The following AKAP7 variants were observed in gnomAD, a reference collection of about 807,000 sequenced individuals.
The protein encoded by AKAP7 is A-kinase anchoring protein 7.
A neutral mutation model predicts 39.5 loss-of-function variants in AKAP7; 39 were observed. The ratio of observed to expected loss-of-function variants is 0.99; its 90% CI spans 0.76 to 1.29. The LOEUF (loss-of-function observed/expected upper bound fraction) is 1.29, where lower values mean the gene tolerates loss of function less well. Among genes scored for constraint, AKAP7 ranks in the 50% most tolerant of loss-of-function variants. AKAP7 has a pLI of 0.00. For missense variants in AKAP7, 414 were observed against 407.7 expected (o/e 1.02, Z -0.13); for synonymous variants, 140 against 139.1 (o/e 1.01, Z -0.05).
intron 6 of AKAP7, among the ~76,000 whole-genome samples, chr6:131,201,202 C>G (rs1412732639): frequency 6.6e-6 from 1 of 152,128 alleles, no homozygotes; most frequent in Non-Finnish European, 1.5e-5. Flanking sequence ...ACATTCTTCC[C>G]TCCCACTGGC....
At chr6:131,238,070 G>A (rs1235975556) in intron 7 of AKAP7, among the ~76,000 whole-genome samples, 1 of 151,986 alleles carries the variant, frequency 6.6e-6, no homozygotes, top group Non-Finnish European at 1.5e-5. Flanking sequence ...TCTACACACT[G>A]CTTTGAATGT....
intron 7 of AKAP7, among the ~76,000 whole-genome samples, chr6:131,244,011 T>C (rs75087853): frequency 0.12 from 17,718 of 151,758 alleles, 1,182 homozygotes; most frequent in Admixed American, 0.19. Context: ...TTTTTTTTTT[T>C]TCCAAATAAG....
At chr6:131,256,708 CATTATT>C (rs3836928) in intron 7 of AKAP7, among the ~76,000 whole-genome samples, 58 of 148,478 alleles carry the variant, frequency 3.9e-4, no homozygotes, top group African/African-American at 1.0e-3. Context: ...CTTCCTGGGA[CATTATT>C]ATTATTATTA....
chr6:131,181,351 T>C (rs1805218541), intron 5 of AKAP7, among the ~76,000 whole-genome samples: 1 of 152,200 alleles, frequency 6.6e-6, no homozygotes, highest in Admixed American at 6.5e-5. Flanking sequence ...TAGATATTCA[T>C]AGTCATCAAA....
Position 131,196,684 on chromosome 6 carries a change from G to A in AKAP7, c.590-2777G>A, listed in dbSNP as rs1806964183. Among the ~76,000 whole-genome samples, 3 of 151,914 alleles carry A rather than the reference G, an allele frequency of 2.0e-5. No individual in the cohort carries two copies. In the South Asian group the frequency reaches 6.2e-4, roughly 32 times the overall value. On this transcript the variant is annotated intron_variant, in intron 5 of 7. Transcript: ENST00000431975. ...TTCCAGTTTTCTTGTCTTTAGAATT[G>A]GCTTAATAGTATTAGCCCTACCTGT...
intron 5 of AKAP7, among the ~76,000 whole-genome samples, chr6:131,180,540 C>T (rs1364601142): frequency 6.6e-6 from 1 of 152,094 alleles, no homozygotes; most frequent in Non-Finnish European, 1.5e-5. Context: ...TTCTCTGTAC[C>T]TTTCCTACCT....
At chr6:131,191,546 T>C (rs749495203) in intron 5 of AKAP7, among the ~76,000 whole-genome samples, 2 of 152,226 alleles carry the variant, frequency 1.3e-5, no homozygotes, top group Non-Finnish European at 2.9e-5. Flanking sequence ...ACTTCCTTGC[T>C]GCTAGGGAAG....
chr6:131,198,959 C>CT (rs950839255), intron 5 of AKAP7, among the ~76,000 whole-genome samples: 5 of 152,166 alleles, frequency 3.3e-5, no homozygotes, highest in Non-Finnish European at 4.4e-5. Flanking sequence ...GGGCTGGACT[C>CT]TATCTGTTTC....
At chr6:131,201,053 A>G (rs777142497) in intron 6 of AKAP7, 1 of 152,226 alleles carries the variant, frequency 6.6e-6, no homozygotes, top group Non-Finnish European at 1.5e-5. Context: ...ATTGGCAGTT[A>G]ATTTCACAGA....
chr6:131,154,704 CTT>C (rs1445269044), intron 2 of AKAP7, among the ~76,000 whole-genome samples: 1 of 151,928 alleles, frequency 6.6e-6, no homozygotes, highest in Non-Finnish European at 1.5e-5. Flanking sequence ...ACTGGTAATT[CTT>C]AATGTCATCA....
intron 5 of AKAP7, among the ~76,000 whole-genome samples, chr6:131,180,108 CT>C (rs1805010652): frequency 6.6e-6 from 1 of 152,216 alleles, no homozygotes; most frequent in African/African-American, 2.4e-5. Flanking sequence ...CCTTCTACCC[CT>C]CTCTCAGCAG....
Position 131,203,989 on chromosome 6 carries a change from G to A in AKAP7, c.702+4416G>A, listed in dbSNP as rs551702490. On this transcript the variant is annotated intron_variant, in intron 6 of 7. Coordinates refer to ENST00000431975, the MANE Select transcript of AKAP7 (RefSeq NM_016377.4). ...CTTCAGAAATACCTCAGATTGCCTT[G>A]TCAAGCAATAGTGACAATTTATACT... 7.2e-5 allele frequency among the ~76,000 whole-genome samples: 11 copies of A among 152,178 alleles called. 1 individual carries two copies. Among genetic ancestry groups the A allele is most frequent in the Middle Eastern group, 3.4e-3 (1 of 294 alleles).
At chr6:131,231,327 T>C (rs1056865998) in intron 7 of AKAP7, among the ~76,000 whole-genome samples, 1 of 152,120 alleles carries the variant, frequency 6.6e-6, no homozygotes, top group African/African-American at 2.4e-5. Context: ...TACAGGAATG[T>C]CTCTTGTATG....
chr6:131,168,071 A>T (rs1803675682), intron 4 of AKAP7, among the ~76,000 whole-genome samples: 1 of 152,168 alleles, frequency 6.6e-6, no homozygotes, highest in Non-Finnish European at 1.5e-5. Context: ...AAATATCAAA[A>T]ATCTCGTAAT....
At chr6:131,175,349 C>T (rs975093835) in intron 5 of AKAP7, among the ~76,000 whole-genome samples, 2 of 152,088 alleles carry the variant, frequency 1.3e-5, no homozygotes, top group Non-Finnish European at 2.9e-5. Flanking sequence ...TAGTTCAAAC[C>T]TGTGTTGTTC....
intron 5 of AKAP7, among the ~76,000 whole-genome samples, chr6:131,180,284 C>A (rs886317951): frequency 1.1e-4 from 16 of 152,204 alleles, no homozygotes; most frequent in Non-Finnish European, 7.3e-5. Flanking sequence ...CTGGACTCAA[C>A]CAGGATCTTG....
the AKAP7 span, among the ~76,000 whole-genome samples, chr6:131,128,530 A>C: frequency 2.6e-5 from 4 of 152,308 alleles, no homozygotes; most frequent in African/African-American, 7.2e-5. Flanking sequence ...ATTTTAAATA[A>C]ATAATTTAAG....
intron 7 of AKAP7, among the ~76,000 whole-genome samples, chr6:131,244,455 G>A (rs1012765944): frequency 2.0e-5 from 3 of 152,216 alleles, no homozygotes; most frequent in Non-Finnish European, 4.4e-5. Flanking sequence ...GTCCAGATAT[G>A]TGCTGGGACT....
Position 131,160,043 on chromosome 6 carries a change from G to T in AKAP7, c.152-16G>T. ...TTTAAATGTATTAGACGTATTGTTT[G>T]ACTTTTTTCCTCTAGTCACTGATGA... On this transcript the variant is annotated splice_polypyrimidine_tract_variant and intron_variant, in intron 2 of 7. Coordinates refer to ENST00000431975, the MANE Select transcript of AKAP7 (RefSeq NM_016377.4). The T allele has an allele frequency of 6.4e-7, 1 of 1,559,578 alleles. No homozygotes were observed. Among genetic ancestry groups the T allele is most frequent in the Non-Finnish European group, 8.6e-7 (1 of 1,159,838 alleles).
Sources: allele counts gnomAD v4.1 joint callset (sites outside exome capture counted in the v4.1 genomes callset), GRCh38; gene constraint gnomAD v4.1.1; transcripts MANE v1.5; gene names NCBI Gene and HGNC (gene_info 2026-07-23, HGNC 2026-07-21).